PCDH7: variants seen among roughly 807,000 people sequenced by gnomAD.
PCDH7 encodes the protein protocadherin 7.
A neutral mutation model predicts 58.9 loss-of-function variants in PCDH7; 17 were observed. The observed-to-expected ratio is 0.29, with a 90% CI of 0.20 to 0.43. The LOEUF is 0.43. Ranked by LOEUF, PCDH7 falls within the 20% of genes least tolerant of loss-of-function variation. The probability of loss-of-function intolerance (pLI) is 1.00; values close to 1 mark genes in which losing one functional copy is unlikely to be tolerated. For synonymous variants in PCDH7, 664 were observed against 616.4 expected (o/e 1.08, Z -1.14); for missense variants, 1,274 against 1,441.0 (o/e 0.88, Z 1.88).
chr4:30,926,293 T>G (rs1743862330), intron 2 of PCDH7, among the ~76,000 whole-genome samples: 1 of 151,658 alleles, frequency 6.6e-6, no homozygotes, highest in Non-Finnish European at 1.5e-5. Context: ...CAAACCATTC[T>G]GCTGCCTCAG....
chr4:30,979,528 C>T (rs1750371966), intron 3 of PCDH7, among the ~76,000 whole-genome samples: 2 of 151,738 alleles, frequency 1.3e-5, no homozygotes, highest in South Asian at 2.1e-4. Flanking sequence ...TTGACTTTTG[C>T]AATATAATCT....
intron 3 of PCDH7, among the ~76,000 whole-genome samples, chr4:31,066,625 T>C (rs1758117707): frequency 1.3e-5 from 2 of 151,884 alleles, no homozygotes; most frequent in South Asian, 4.1e-4. Context: ...CCTTTGGAAT[T>C]TCACTCTGGT....
chr4:31,035,865 T>C (rs1755368264), intron 3 of PCDH7, among the ~76,000 whole-genome samples: 1 of 152,206 alleles, frequency 6.6e-6, no homozygotes, highest in Admixed American at 6.5e-5. Context: ...TGTGTAATTA[T>C]TTTTTGGCAG....
intron 1 of PCDH7, among the ~76,000 whole-genome samples, chr4:30,874,780 T>C (rs200942913): frequency 2.0e-5 from 3 of 152,102 alleles, no homozygotes; most frequent in East Asian, 1.9e-4. Flanking sequence ...TTTTAAACTA[T>C]CTTCTCCTCA....
At chr4:30,769,920 G>T (rs2109277353) in intron 1 of PCDH7, among the ~76,000 whole-genome samples, 1 of 152,328 alleles carries the variant, frequency 6.6e-6, no homozygotes, top group East Asian at 1.9e-4. Flanking sequence ...TCTATAGCTA[G>T]AGCTTGATCC....
chr4:30,743,401 A>T (rs975328128), intron 1 of PCDH7, among the ~76,000 whole-genome samples: 2 of 150,670 alleles, frequency 1.3e-5, no homozygotes, highest in Non-Finnish European at 3.0e-5. Flanking sequence ...AAAATCAAGG[A>T]TTTTGCTCAG....
intron 1 of PCDH7, among the ~76,000 whole-genome samples, chr4:30,824,451 T>C (rs540274215): frequency 8.6e-4 from 131 of 152,218 alleles, no homozygotes; most frequent in African/African-American, 2.9e-3. Context: ...TTAAACATCC[T>C]TTTTGGATGG....
rs144681720 is a variant in PCDH7 at position 31,078,428 on chromosome 4, A to C, written c.*8-64045A>C. ...CTCCCAAGTAGCCAGGGCTACAGGC[A>C]CATGTCAATATGCTTGGCTAACTTT... On this transcript the variant is annotated intron_variant, in intron 3 of 3. Transcript: ENST00000509759. Among the ~76,000 whole-genome samples the C allele has an allele frequency of 4.7e-4, 71 of 151,944 alleles. 1 individual carries two copies. The highest frequency in any genetic ancestry group is 1.7e-3 in the African/African-American group (71 of 41,456).
At chr4:30,867,753 T>A (rs1298689413) in intron 1 of PCDH7, among the ~76,000 whole-genome samples, 1 of 152,068 alleles carries the variant, frequency 6.6e-6, no homozygotes, top group Non-Finnish European at 1.5e-5. Flanking sequence ...CTGTCACTCA[T>A]ATGGATCACC....
chr4:30,851,222 G>T (rs1483908947), intron 1 of PCDH7, among the ~76,000 whole-genome samples: 3 of 151,746 alleles, frequency 2.0e-5, no homozygotes, highest in Admixed American at 2.0e-4. Flanking sequence ...AAAAACACAT[G>T]TCATTAGAGG....
At chr4:31,063,054 A>C (rs1757811937) in intron 3 of PCDH7, among the ~76,000 whole-genome samples, 1 of 151,866 alleles carries the variant, frequency 6.6e-6, no homozygotes. Flanking sequence ...ATCTGAGAAG[A>C]CTTTGAGAGA....
intron 1 of PCDH7, among the ~76,000 whole-genome samples, chr4:30,859,971 C>T (rs1039778525): frequency 3.3e-5 from 5 of 152,094 alleles, no homozygotes; most frequent in African/African-American, 9.7e-5. Context: ...GAAAATGTGA[C>T]TGAGGCTGGG....
chr4:30,748,260 C>A (rs1054728276), intron 1 of PCDH7, among the ~76,000 whole-genome samples: 2 of 152,132 alleles, frequency 1.3e-5, no homozygotes, highest in Admixed American at 6.5e-5. Context: ...GTGGTGAGGC[C>A]AGGCTTGAGA....
At chr4:30,975,692 T>A (rs559473939) in intron 3 of PCDH7, among the ~76,000 whole-genome samples, 1 of 152,342 alleles carries the variant, frequency 6.6e-6, no homozygotes, top group South Asian at 2.1e-4. Flanking sequence ...CGAATTGGTT[T>A]ACTTTGTGTA....
chr4:30,850,175 A>C (rs1473439259), intron 1 of PCDH7, among the ~76,000 whole-genome samples: 9 of 152,134 alleles, frequency 5.9e-5, no homozygotes, highest in Non-Finnish European at 1.3e-4. Context: ...GAAGAGTTCA[A>C]CTGAGACTGT....
intron 1 of PCDH7, among the ~76,000 whole-genome samples, chr4:30,801,961 T>G (rs1490867433): frequency 1.3e-5 from 2 of 152,180 alleles, no homozygotes; most frequent in African/African-American, 4.8e-5. Flanking sequence ...TAGAGAAGGG[T>G]AACATTTTTT....
At chr4:31,083,470 CA>C (rs1055353272) in intron 3 of PCDH7, among the ~76,000 whole-genome samples, 1 of 152,096 alleles carries the variant, frequency 6.6e-6, no homozygotes, top group African/African-American at 2.4e-5. Context: ...ATTTTGCTTT[CA>C]AAATCATGTC....
intron 1 of PCDH7, among the ~76,000 whole-genome samples, chr4:30,837,467 TA>T (rs1260649368): frequency 2.9e-3 from 411 of 140,464 alleles, no homozygotes; most frequent in Middle Eastern, 3.7e-3. Flanking sequence ...GTTGTGTCAT[TA>T]AAAAAAAAAA....
At position 30,995,427 on chromosome 4, in the gene PCDH7, G is replaced by T. The variant is rs553715574; in HGVS notation, c.*7+45212G>T. 7.2e-5 allele frequency among the ~76,000 whole-genome samples: 11 copies of T among 152,186 alleles called. 1 individual carries two copies. The South Asian group carries it at 2.3e-3, about 32-fold the overall frequency. ...CTCGGGAGGCTCACGCAGGAGACTGGTGTGAACCCGAGAGGTGGAGCTTGC... is the reference window on the plus strand; with the variant it reads ...CTCGGGAGGCTCACGCAGGAGACTGTTGTGAACCCGAGAGGTGGAGCTTGC... On this transcript the variant is annotated intron_variant, in intron 3 of 3. Transcript: ENST00000509759.
Sources: gnomAD v4.1 joint callset for allele counts (sites outside exome capture counted in the v4.1 genomes callset) on GRCh38, gnomAD v4.1.1 for gene constraint, MANE v1.5 for transcripts, NCBI Gene and HGNC (gene_info 2026-07-23, HGNC 2026-07-21) for gene names.